Variants in PCDHA3 observed in about 807,000 individuals in gnomAD.
PCDHA3 encodes protocadherin alpha 3, also known as protocadherin alpha-3.
Under a neutral mutation model 62.2 loss-of-function variants are expected in PCDHA3, and 41 were observed. The ratio of observed to expected loss-of-function variants is 0.66; its 90% confidence interval spans 0.51 to 0.86. The LOEUF (loss-of-function observed/expected upper bound fraction) is 0.86, where lower values mean the gene tolerates loss of function less well. PCDHA3 is among the 40% of genes least tolerant of loss of function. The probability of loss-of-function intolerance (pLI) is 0.00; values close to 1 mark genes in which losing one functional copy is unlikely to be tolerated. For missense variants in PCDHA3, 1,304 were observed against 1,241.2 expected (o/e 1.05, Z -0.76); for synonymous variants, 640 against 555.4 (o/e 1.15, Z -2.14).
At chr5:140,884,119 C>T (rs782009154) in intron 1 of PCDHA3, 1 of 1,613,310 alleles carries the variant, frequency 6.2e-7, no homozygotes. Context: ...CGGCGGTCGG[C>T]GCGCGCATCC....
At chr5:141,001,975 G>C (rs900969211) in intron 3 of PCDHA3, among the ~76,000 whole-genome samples, 8 of 152,184 alleles carry the variant, frequency 5.3e-5, no homozygotes, top group African/African-American at 1.9e-4. Flanking sequence ...GTCTCTGCGC[G>C]GAAAGCCTGG....
chr5:140,872,829 G>T (rs187637058), intron 1 of PCDHA3, among the ~76,000 whole-genome samples: 6 of 152,156 alleles, frequency 3.9e-5, no homozygotes, highest in African/African-American at 1.4e-4. Flanking sequence ...ATCTAGCAGA[G>T]AAAAAATTAA....
intron 1 of PCDHA3, chr5:140,875,973 T>C (rs782725100): frequency 6.2e-7 from 1 of 1,614,042 alleles, no homozygotes; most frequent in Non-Finnish European, 8.5e-7. Context: ...TAAACTCTCT[T>C]TTGACCTATG....
rs1554202548 is a variant in PCDHA3 at position 140,925,108 on chromosome 5, G to GGAAGGAAGGAAGGAAGGAAGGAAGGAA, written c.2395-53840_2395-53839insAAGGAAGGAAGGAAGGAAGGAAGGAAG. On this transcript the variant is annotated intron_variant, in intron 1 of 3. Transcript: ENST00000522353. ...AAGGAAGGAAGGAAGGAAGGAAGGA[G>GGAAGGAAGGAAGGAAGGAAGGAAGGAA]GGAAGGAAGGAAGGAAAAAAAATTT... Among the ~76,000 whole-genome samples, 52 of 124,778 alleles carry GGAAGGAAGGAAGGAAGGAAGGAAGGAA rather than the reference G, an allele frequency of 4.2e-4. No individual in the cohort carries two copies. The Middle Eastern group carries it at 0.013, about 31-fold the overall frequency. The allele number at this position is 124,778 out of a possible 152,430, so 81.9% of individuals were successfully genotyped here. A position where few individuals can be genotyped will look rare whatever the true frequency, so the allele number is the denominator to read the frequency against.
intron 1 of PCDHA3, chr5:140,828,881 C>T: frequency 6.2e-7 from 1 of 1,614,208 alleles, no homozygotes; most frequent in African/African-American, 1.3e-5. Context: ...AGTTATCAGA[C>T]TGAATGCTTC....
Position 140,978,964 on chromosome 5 carries a change from C to G in PCDHA3, c.2410C>G (p.Pro804Ala). ...GATTTTGCAGCCACGACAGCCCAAC[C>G]CTGACTGGCGTTACTCTGCCTCCCT... ...DLSAKPRQPN[P>A]DWRYSASLRA... is the part of the protein sequence containing the mutation. The change falls in exon 2 of 4, where the codon CCT becomes GCT. Residue 804 changes from proline to alanine, a missense_variant. Transcript: ENST00000522353. 3 of 1,614,122 alleles carry G rather than the reference C, an allele frequency of 1.9e-6. No homozygotes were observed. The highest frequency in any genetic ancestry group is 2.5e-6 in the Non-Finnish European group (3 of 1,180,010).
At chr5:140,935,996 G>C (rs145363850) in intron 1 of PCDHA3, among the ~76,000 whole-genome samples, 1,644 of 150,942 alleles carry the variant, frequency 0.011, 22 homozygotes, top group African/African-American at 0.037. Flanking sequence ...GGGTTCAAGC[G>C]ATTCTCCCAC....
rs150956127 is a variant in PCDHA3 at position 140,830,448 on chromosome 5, C to T, written c.2394+26857C>T. The T allele has an allele frequency of 8.1e-3, 12,933 of 1,600,458 alleles. 78 individuals are homozygous for T. The highest frequency in any genetic ancestry group is 9.4e-3 in the Non-Finnish European group (10,993 of 1,171,708). The stretch of plus-strand genomic sequence containing the variant: ...CCTTGTCCTATTATGATGGGTAAGG[C>T]GGAGAATCAGGATTTAAATGAAGAT... On this transcript the variant is annotated intron_variant, in intron 1 of 3. Transcript: ENST00000522353.
At chr5:140,981,327 A>C (rs1330138417) in intron 2 of PCDHA3, among the ~76,000 whole-genome samples, 1 of 152,196 alleles carries the variant, frequency 6.6e-6, no homozygotes, top group Non-Finnish European at 1.5e-5. Context: ...TAATCCCAGC[A>C]CTTTGGGAGG....
At chr5:140,962,431 A>G (rs782205198) in intron 1 of PCDHA3, among the ~76,000 whole-genome samples, 2 of 152,126 alleles carry the variant, frequency 1.3e-5, no homozygotes, top group Non-Finnish European at 2.9e-5. Flanking sequence ...ATTGTTACTT[A>G]TCCAAAGATG....
intron 1 of PCDHA3, chr5:140,884,552 G>A (rs1554181720): frequency 6.2e-7 from 1 of 1,614,142 alleles, no homozygotes; most frequent in East Asian, 2.2e-5. Context: ...GTGCTCTGGG[G>A]AGGGCCCGCA....
chr5:140,834,414 G>T, intron 1 of PCDHA3: 1 of 1,611,396 alleles, frequency 6.2e-7, no homozygotes. Flanking sequence ...CGACCCAGGG[G>T]GCCGACATCT....
chr5:140,966,803 C>G, intron 1 of PCDHA3: 1 of 1,542,484 alleles, frequency 6.5e-7, no homozygotes, highest in Non-Finnish European at 8.7e-7. Context: ...GGCGACAGAG[C>G]ATCCACGGCT....
chr5:140,992,590 T>C (rs536991072), intron 3 of PCDHA3, among the ~76,000 whole-genome samples: 1 of 152,300 alleles, frequency 6.6e-6, no homozygotes, highest in East Asian at 1.9e-4. Flanking sequence ...TGTATGCATC[T>C]AGCGTCTGTG....
chr5:140,869,091 A>C, intron 1 of PCDHA3: 1 of 1,591,040 alleles, frequency 6.3e-7, no homozygotes, highest in Non-Finnish European at 8.6e-7. Context: ...TTTGGAAGCC[A>C]ATTTCGTATG....
chr5:140,956,733 C>A (rs1412191742), intron 1 of PCDHA3, among the ~76,000 whole-genome samples: 1 of 152,172 alleles, frequency 6.6e-6, no homozygotes, highest in Non-Finnish European at 1.5e-5. Flanking sequence ...ACCAGCTCCT[C>A]TTTGTACCTC....
chr5:140,894,675 A>G lies in PCDHA3; in HGVS notation c.2395-84274A>G, dbSNP rs78197412. Reference sequence around the variant, plus strand: ...CTAATTCTGATTTGTGTATTCTTGCATAGCTTTTCATTATTTTCTAAAAAT... The same window carrying G: ...CTAATTCTGATTTGTGTATTCTTGCGTAGCTTTTCATTATTTTCTAAAAAT... On this transcript the variant is annotated intron_variant, in intron 1 of 3. Coordinates refer to ENST00000522353, the MANE Select transcript of PCDHA3 (RefSeq NM_018906.3). 4.6e-3 allele frequency among the ~76,000 whole-genome samples: 702 copies of G among 151,998 alleles called. 3 individuals carry two copies. The highest frequency in any genetic ancestry group is 0.016 in the African/African-American group (679 of 41,480).
chr5:140,848,483 C>CT, intron 1 of PCDHA3: 1 of 1,570,026 alleles, frequency 6.4e-7, no homozygotes. Flanking sequence ...TAGAAGAAGA[C>CT]TGAGTATTTG....
chr5:140,829,242 A>T lies in PCDHA3; in HGVS notation c.2394+25651A>T, dbSNP rs2150164576. On this transcript the variant is annotated intron_variant, in intron 1 of 3. Coordinates refer to ENST00000522353, the MANE Select transcript of PCDHA3 (RefSeq NM_018906.3). ...GACCTCGATTCAGGTGCCAACGGGC[A>T]GGTGAACTGCTCGCTGACGCCTCAC... is the stretch of plus-strand genomic sequence containing the variant. 1.7e-5 allele frequency: 27 copies of T among 1,614,148 alleles called. No individual in the cohort carries two copies. The highest frequency in any genetic ancestry group is 1.6e-4 in the Middle Eastern group (1 of 6,084).
Sources: allele counts gnomAD v4.1 joint callset (sites outside exome capture counted in the v4.1 genomes callset), GRCh38; gene constraint gnomAD v4.1.1; transcripts MANE v1.5; gene names NCBI Gene and HGNC (gene_info 2026-07-23, HGNC 2026-07-21).